JADE3: variants seen among roughly 807,000 people sequenced by gnomAD.
JADE3 encodes jade family PHD finger 3, also known as protein Jade-3.
Under a neutral mutation model 50.1 loss-of-function variants are expected in JADE3, and 2 were observed. The ratio of observed to expected loss-of-function variants is 0.04; its 90% CI spans 0.02 to 0.13. The LOEUF is 0.13. Ranked by LOEUF, JADE3 falls within the 10% of genes least tolerant of loss-of-function variation. JADE3 has a pLI of 1.00. For synonymous variants in JADE3, 218 were observed against 232.9 expected, an observed-to-expected ratio of 0.94 and a Z score of 0.58; for missense variants, 475 against 634.4, an observed-to-expected ratio of 0.75 and a Z score of 2.70.
chrX:46,917,810 TCTCTCTCTCTCACTCTCTCTCATC>T (rs1556336716), intron 1 of JADE3, among the ~76,000 whole-genome samples: 1 of 90,255 alleles, frequency 1.1e-5, no homozygotes, highest in Non-Finnish European at 2.2e-5. Context: ...TCTCTCTCTC[TCTCTCTCTCTCACTCTCTCTCATC>T]CTCTCTCTCT....
intron 3 of JADE3, among the ~76,000 whole-genome samples, chrX:46,991,402 A>C (rs1928003625): frequency 9.1e-6 from 1 of 109,718 alleles, no homozygotes; most frequent in Non-Finnish European, 1.9e-5. Flanking sequence ...TCTTTTTATG[A>C]CTGAATGATA....
At chrX:47,019,714 G>A (rs782462076) in intron 4 of JADE3, among the ~76,000 whole-genome samples, 1 of 112,095 alleles carries the variant, frequency 8.9e-6, no homozygotes, top group East Asian at 2.8e-4. Context: ...AAGAGACACT[G>A]AGGGGTCTCT....
intron 3 of JADE3, among the ~76,000 whole-genome samples, chrX:46,986,162 A>G (rs887989783): frequency 8.9e-6 from 1 of 111,839 alleles, no homozygotes; most frequent in African/African-American, 3.3e-5. Context: ...CAGCAGAACC[A>G]TAAGCTAAAT....
chrX:46,970,796 A>T lies in JADE3; in HGVS notation c.-11-14088A>T, dbSNP rs138825691. 4.4e-3 allele frequency among the ~76,000 whole-genome samples: 492 copies of T among 111,793 alleles called. 1 individual carries two copies. Among genetic ancestry groups the T allele is most frequent in the African/African-American group, 0.015 (458 of 30,729 alleles). ...GATAAAGGTTGTTTTTCCTTCTAATAAATTGGGATGATTACTTTAAATCAC... is the reference window on the plus strand; with the variant it reads ...GATAAAGGTTGTTTTTCCTTCTAATTAATTGGGATGATTACTTTAAATCAC... On this transcript the variant is annotated intron_variant, in intron 1 of 10. Transcript: ENST00000614628.
chrX:46,975,213 T>G (rs187459729), intron 1 of JADE3, among the ~76,000 whole-genome samples: 24 of 112,794 alleles, frequency 2.1e-4, no homozygotes, highest in African/African-American at 7.1e-4. Flanking sequence ...AATGTCCATC[T>G]TGAATGACAG....
At chrX:47,039,701 C>G (rs1186932887) in intron 8 of JADE3, among the ~76,000 whole-genome samples, 2 of 111,632 alleles carry the variant, frequency 1.8e-5, no homozygotes, top group East Asian at 5.6e-4. Flanking sequence ...GAATAATGGC[C>G]TCCAGCTGCA....
intron 1 of JADE3, among the ~76,000 whole-genome samples, chrX:46,965,041 T>G (rs1378469042): frequency 3.6e-5 from 4 of 111,862 alleles, no homozygotes; most frequent in African/African-American, 1.3e-4. Context: ...AAGTAAAAAA[T>G]TAGACATATC....
At chrX:47,048,476 A>G (rs1929426594) in intron 8 of JADE3, among the ~76,000 whole-genome samples, 1 of 112,498 alleles carries the variant, frequency 8.9e-6, no homozygotes, top group Non-Finnish European at 1.9e-5. Context: ...GAAATGGGGT[A>G]TATCCATACA....
intron 4 of JADE3, among the ~76,000 whole-genome samples, chrX:46,999,363 C>T (rs1432679705): frequency 8.4e-5 from 8 of 95,038 alleles, no homozygotes; most frequent in Admixed American, 1.3e-4. Context: ...CTTTTGGTGA[C>T]ACATTCAAAC....
chrX:46,915,450 G>A lies in JADE3; in HGVS notation c.-12+2731G>A, dbSNP rs189362214. 1.7e-3 allele frequency among the ~76,000 whole-genome samples: 189 copies of A among 112,192 alleles called. 1 individual carries two copies. Among genetic ancestry groups the A allele is most frequent in the Admixed American group, 6.3e-3 (67 of 10,642 alleles). ...CACCTGTCTGGCACTCTCCTAACAT[G>A]GGGACACTTTAATGGCTCACAAGTT... On this transcript the variant is annotated intron_variant, in intron 1 of 10. Coordinates refer to ENST00000614628, the MANE Select transcript of JADE3 (RefSeq NM_014735.5).
chrX:47,030,072 T>A (rs185217997), intron 6 of JADE3, among the ~76,000 whole-genome samples: 46 of 109,389 alleles, frequency 4.2e-4, no homozygotes, highest in Non-Finnish European at 7.2e-4. Flanking sequence ...TCATATACTA[T>A]ATATATATAT....
intron 3 of JADE3, among the ~76,000 whole-genome samples, chrX:46,989,702 G>A (rs929244946): frequency 1.8e-5 from 2 of 111,104 alleles, no homozygotes; most frequent in African/African-American, 6.5e-5. Flanking sequence ...TATCCTCTTT[G>A]GGCTTTAGTC....
At chrX:46,934,423 C>T (rs782821171) in intron 1 of JADE3, among the ~76,000 whole-genome samples, 4 of 110,941 alleles carry the variant, frequency 3.6e-5, no homozygotes, top group East Asian at 5.6e-4. Context: ...CTCAGCCTCC[C>T]GAGTAGCTGG....
intron 8 of JADE3, among the ~76,000 whole-genome samples, chrX:47,040,052 G>A (rs1556369293): frequency 8.9e-6 from 1 of 111,950 alleles, no homozygotes; most frequent in Non-Finnish European, 1.9e-5. Flanking sequence ...GTTACCTCCA[G>A]CAAAGGCACA....
intron 1 of JADE3, among the ~76,000 whole-genome samples, chrX:46,931,374 C>G (rs1448130920): frequency 1.8e-5 from 2 of 111,260 alleles, no homozygotes; most frequent in Non-Finnish European, 3.8e-5. Context: ...ATACATTTGT[C>G]AAAACTTTAA....
At chrX:46,985,960 G>A (rs782497513) in intron 3 of JADE3, among the ~76,000 whole-genome samples, 168 bp downstream of exon 3, 18 of 111,265 alleles carry the variant, frequency 1.6e-4, no homozygotes, top group Non-Finnish European at 2.6e-4. Flanking sequence ...CCCAGAGCAG[G>A]GGGGTAAGTG....
intron 4 of JADE3, among the ~76,000 whole-genome samples, chrX:47,010,422 T>G (rs1264267431): frequency 9.0e-6 from 1 of 110,699 alleles, no homozygotes; most frequent in African/African-American, 3.3e-5. Context: ...GAGACAGGGT[T>G]TCTCCATGTT....
chrX:46,933,152 ATTG>A (rs782356156), intron 1 of JADE3, among the ~76,000 whole-genome samples: 2 of 111,766 alleles, frequency 1.8e-5, no homozygotes, highest in Admixed American at 9.5e-5. Context: ...GCTAATGGCC[ATTG>A]TGTTGTGGGC....
intron 1 of JADE3, among the ~76,000 whole-genome samples, chrX:46,935,826 CTTTT>C (rs142025908): frequency 1.6e-5 from 1 of 62,749 alleles, no homozygotes; most frequent in Admixed American, 2.4e-4. Flanking sequence ...AAGTCTTTCA[CTTTT>C]TTTTTTTTTT....
Sources: allele counts gnomAD v4.1 joint callset (sites outside exome capture counted in the v4.1 genomes callset), GRCh38; gene constraint gnomAD v4.1.1; transcripts MANE v1.5; gene names NCBI Gene and HGNC (gene_info 2026-07-23, HGNC 2026-07-21).